ELP4: variants seen among roughly 807,000 people sequenced by gnomAD.
The protein encoded by ELP4 is elongator complex protein 4.
In ELP4, 51 loss-of-function variants were observed where a neutral mutation model predicts 48.9. That is an observed-to-expected ratio of 1.04 (90% CI 0.83 to 1.32). ELP4 has a LOEUF of 1.32. Ranked by LOEUF, ELP4 falls within the 40% of genes most tolerant of loss-of-function variation. The pLI, the probability that ELP4 is intolerant of heterozygous loss-of-function variation, is 0.00. For synonymous variants in ELP4, 210 were observed against 189.2 expected (o/e 1.11, Z -0.90); for missense variants, 519 against 514.6 (o/e 1.01, Z -0.08).
intron 5 of ELP4, among the ~76,000 whole-genome samples, chr11:31,614,085 T>A (rs1479584199): frequency 6.6e-6 from 1 of 152,152 alleles, no homozygotes; most frequent in Non-Finnish European, 1.5e-5. Context: ...AATAAAATAG[T>A]AAATTCTTAC....
At chr11:31,731,490 G>T (rs889444685) in intron 9 of ELP4, among the ~76,000 whole-genome samples, 1 of 151,610 alleles carries the variant, frequency 6.6e-6, no homozygotes, top group African/African-American at 2.4e-5. Context: ...CAGATCATTT[G>T]AAATTATCCC....
intron 9 of ELP4, among the ~76,000 whole-genome samples, chr11:31,686,234 G>C (rs1469562281): frequency 3.3e-5 from 5 of 151,066 alleles, no homozygotes; most frequent in African/African-American, 1.2e-4. Flanking sequence ...TCAATACCAA[G>C]AAACTCTGGT....
At chr11:31,671,020 C>T (rs1945795429) in intron 9 of ELP4, among the ~76,000 whole-genome samples, 2 of 151,844 alleles carry the variant, frequency 1.3e-5, no homozygotes, top group South Asian at 2.1e-4. Context: ...TAACATCATT[C>T]ATCAGAATAA....
At chr11:31,688,361 C>T (rs1946206804) in intron 9 of ELP4, among the ~76,000 whole-genome samples, 1 of 152,172 alleles carries the variant, frequency 6.6e-6, no homozygotes, top group South Asian at 2.1e-4. Flanking sequence ...CAATTTTCTA[C>T]TTATTTAGCT....
Position 31,516,779 on chromosome 11 carries a change from A to C in ELP4, c.224-3277A>C, listed in dbSNP as rs138051594. On this transcript the variant is annotated intron_variant, in intron 1 of 9. Transcript: ENST00000640961. The stretch of plus-strand genomic sequence containing the variant: ...AATGCTGGGATTATAGCCGTGAGCC[A>C]CTGCACCCGGACCTGATCCTTTTTG... Among the ~76,000 whole-genome samples, 9 of 152,300 alleles carry C rather than the reference A, an allele frequency of 5.9e-5. No individual in the cohort carries two copies. The East Asian group carries it at 1.7e-3, about 29-fold the overall frequency.
Position 31,789,969 on chromosome 11 carries a change from G to A in ELP4, c.*6445G>A, listed in dbSNP as rs745762788. The A allele has an allele frequency of 1.3e-6, 2 of 1,562,114 alleles. No individual in the cohort carries two copies. The highest frequency in any genetic ancestry group is 1.1e-5 in the South Asian group (1 of 89,426). On this transcript the variant is annotated 3_prime_UTR_variant, in exon 10 of 10. Coordinates refer to ENST00000640961, the MANE Select transcript of ELP4 (RefSeq NM_019040.5). ...CTTGGCCAGTATTGAGACATATCAG[G>A]TTCACTTCCGGGAACTTGAACTGGA...
At chr11:31,726,604 C>CCATAATGTGGTCTACT (rs1947079655) in intron 9 of ELP4, among the ~76,000 whole-genome samples, 1 of 151,678 alleles carries the variant, frequency 6.6e-6, no homozygotes, top group Non-Finnish European at 1.5e-5. Flanking sequence ...GTGGTCTCTA[C>CCATAATGTGGTCTACT]TTAAAATTTG....
intron 9 of ELP4, chr11:31,763,437 A>C (rs909766769): frequency 5.6e-6 from 9 of 1,608,658 alleles, no homozygotes; most frequent in Admixed American, 1.7e-5. Flanking sequence ...ACTTGAGACA[A>C]GAGAGGAACA....
intron 9 of ELP4, among the ~76,000 whole-genome samples, chr11:31,685,863 G>A (rs904447326): frequency 1.7e-4 from 25 of 151,138 alleles, no homozygotes; most frequent in Admixed American, 9.9e-4. Context: ...CCTGGGAGGC[G>A]GAGGTTACAG....
intron 9 of ELP4, among the ~76,000 whole-genome samples, chr11:31,689,613 A>G (rs762113673): frequency 1.3e-5 from 2 of 151,874 alleles, no homozygotes; most frequent in African/African-American, 2.4e-5. Context: ...CACCTGCCCA[A>G]CTCCTTGCTT....
Position 31,510,419 on chromosome 11 carries a change from A to G in ELP4, c.223+412A>G, listed in dbSNP as rs1955968601. ...GCAAAAGTTTTTATAATTGTGAGAG[A>G]CAGACTTCATTAGAAGATGCTGGAA... On this transcript the variant is annotated intron_variant, in intron 1 of 9. Coordinates refer to ENST00000640961, the MANE Select transcript of ELP4 (RefSeq NM_019040.5). 9.6e-6 allele frequency: 4 copies of G among 416,064 alleles called. No individual in the cohort carries two copies. In the South Asian group the frequency reaches 3.9e-4, roughly 41 times the overall value. The allele number at this position is 416,064 out of a possible 1,614,324, so 25.8% of individuals were successfully genotyped here.
chr11:31,598,712 G>A (rs1391064671), intron 4 of ELP4, among the ~76,000 whole-genome samples: 1 of 151,460 alleles, frequency 6.6e-6, no homozygotes, highest in Non-Finnish European at 1.5e-5. Context: ...TCACTATGTT[G>A]CCCAGGCTGG....
chr11:31,704,348 G>A (rs1002283641), intron 9 of ELP4, among the ~76,000 whole-genome samples: 3 of 152,128 alleles, frequency 2.0e-5, no homozygotes, highest in African/African-American at 7.2e-5. Context: ...GGACATGGAT[G>A]AAGCTGGAAA....
chr11:31,714,622 T>C, intron 9 of ELP4: 2 of 398,552 alleles, frequency 5.0e-6, no homozygotes, highest in Non-Finnish European at 4.4e-6. Context: ...TTTCCTACGG[T>C]TCTGGCAGGC....
chr11:31,722,914 G>A (rs1314554417), intron 9 of ELP4, among the ~76,000 whole-genome samples: 1 of 152,192 alleles, frequency 6.6e-6, no homozygotes, highest in East Asian at 1.9e-4. Context: ...CTGACGGGCT[G>A]TGGTCACCAG....
At chr11:31,584,680 A>AT (rs1354584908) in intron 3 of ELP4, among the ~76,000 whole-genome samples, 1 of 151,912 alleles carries the variant, frequency 6.6e-6, no homozygotes, top group Non-Finnish European at 1.5e-5. Flanking sequence ...CGCACCCGCC[A>AT]TTTTTTGTAT....
intron 3 of ELP4, among the ~76,000 whole-genome samples, chr11:31,549,928 T>C (rs528208807): frequency 1.3e-5 from 2 of 152,144 alleles, no homozygotes; most frequent in South Asian, 2.1e-4. Flanking sequence ...TAGGTGGGAA[T>C]TGAACAATGA....
At chr11:31,769,720 C>G (rs1948100081) in intron 9 of ELP4, among the ~76,000 whole-genome samples, 1 of 151,914 alleles carries the variant, frequency 6.6e-6, no homozygotes, top group Admixed American at 6.6e-5. Context: ...AGTTTGAATT[C>G]TAGTAAACAA....
intron 2 of ELP4, among the ~76,000 whole-genome samples, chr11:31,533,898 C>T (rs762895704): frequency 6.6e-6 from 1 of 151,846 alleles, no homozygotes; most frequent in Non-Finnish European, 1.5e-5. Flanking sequence ...TGCAGTGGAG[C>T]GATCTCGGCT....
Sources: gnomAD v4.1 joint callset for allele counts (sites outside exome capture counted in the v4.1 genomes callset) on GRCh38, gnomAD v4.1.1 for gene constraint, MANE v1.5 for transcripts, NCBI Gene and HGNC (gene_info 2026-07-23, HGNC 2026-07-21) for gene names.